AFF3: variants seen among roughly 807,000 people sequenced by gnomAD.
The protein encoded by AFF3 is ALF transcription elongation factor 3, also known as AF4/FMR2 family member 3.
A neutral mutation model predicts 129.7 loss-of-function variants in AFF3; 32 were observed. The ratio of observed to expected loss-of-function variants is 0.25; its 90% CI spans 0.19 to 0.33. The LOEUF (loss-of-function observed/expected upper bound fraction) is 0.33. Ranked by LOEUF, AFF3 falls within the 10% of genes least tolerant of loss-of-function variation. The pLI is 1.00. For synonymous variants in AFF3, 644 were observed against 635.4 expected, an observed-to-expected ratio of 1.01 and a Z score of -0.20; for missense variants, 1,373 against 1,592.0, an observed-to-expected ratio of 0.86 and a Z score of 2.34.
intron 12 of AFF3, among the ~76,000 whole-genome samples, chr2:99,668,955 A>C (rs997458614): frequency 2.0e-5 from 3 of 152,182 alleles, no homozygotes; most frequent in Non-Finnish European, 4.4e-5. Context: ...CTGATATCAA[A>C]ACTAGCCAAA....
chr2:99,966,473 G>A (rs528691977), intron 7 of AFF3, among the ~76,000 whole-genome samples: 3 of 151,656 alleles, frequency 2.0e-5, no homozygotes, highest in African/African-American at 7.2e-5. Context: ...GGCGGATCAC[G>A]AGGTCAGGAG....
intron 7 of AFF3, among the ~76,000 whole-genome samples, chr2:99,948,806 A>T (rs771638474): frequency 2.0e-5 from 3 of 152,110 alleles, no homozygotes; most frequent in Non-Finnish European, 2.9e-5. Context: ...AAAACCCCCA[A>T]CTGTCTTCTG....
chr2:99,809,340 C>T (rs1442546691), intron 8 of AFF3, among the ~76,000 whole-genome samples: 1 of 152,206 alleles, frequency 6.6e-6, no homozygotes, highest in Non-Finnish European at 1.5e-5. Flanking sequence ...GGCAAGCCCT[C>T]AACGCGGGGG....
intron 2 of AFF3, chr2:100,106,830 C>T (rs1691325280): frequency 3.0e-6 from 3 of 985,452 alleles, no homozygotes; most frequent in Admixed American, 6.1e-5. Context: ...CAGATTTGCC[C>T]TCACCATGGA....
chr2:100,024,624 T>A (rs34860145), intron 4 of AFF3, among the ~76,000 whole-genome samples: 21,284 of 151,028 alleles, frequency 0.14, 1,695 homozygotes, highest in South Asian at 0.2. Flanking sequence ...TAATAATAAT[T>A]ATTATTATTA....
intron 11 of AFF3, among the ~76,000 whole-genome samples, chr2:99,690,500 G>T (rs1003275770): frequency 6.6e-6 from 1 of 152,054 alleles, no homozygotes; most frequent in Admixed American, 6.6e-5. Flanking sequence ...AATCTTTAAA[G>T]TTCATTGTCT....
chr2:99,986,701 A>G (rs984126913), intron 7 of AFF3, among the ~76,000 whole-genome samples: 2 of 152,242 alleles, frequency 1.3e-5, no homozygotes, highest in Non-Finnish European at 2.9e-5. Context: ...ATAGATGTAA[A>G]TAAGCTGATA....
intron 13 of AFF3, among the ~76,000 whole-genome samples, chr2:99,608,027 C>CTT (rs1269429481): frequency 6.6e-6 from 1 of 152,152 alleles, no homozygotes; most frequent in African/African-American, 2.4e-5. Flanking sequence ...GTTTGTTCTG[C>CTT]AACACTTCCA....
intron 7 of AFF3, among the ~76,000 whole-genome samples, chr2:99,872,131 G>A (rs1281798385): frequency 4.0e-5 from 6 of 149,564 alleles, no homozygotes; most frequent in Non-Finnish European, 7.4e-5. Context: ...GCATGAACCC[G>A]GGAGGTGGAG....
At chr2:99,583,698 T>A (rs1677808164) in intron 16 of AFF3, among the ~76,000 whole-genome samples, 1 of 146,214 alleles carries the variant, frequency 6.8e-6, no homozygotes, top group East Asian at 2.1e-4. Context: ...TCTTTTTATT[T>A]TTTATTTTTT....
At chr2:99,683,762 C>T (rs181860095) in intron 11 of AFF3, among the ~76,000 whole-genome samples, 4 of 152,268 alleles carry the variant, frequency 2.6e-5, no homozygotes, top group East Asian at 3.9e-4. Flanking sequence ...CTTAATTTCT[C>T]GACCACCTCC....
chr2:99,687,394 T>C (rs999029304), intron 11 of AFF3, among the ~76,000 whole-genome samples: 3 of 151,616 alleles, frequency 2.0e-5, no homozygotes, highest in Non-Finnish European at 4.4e-5. Context: ...AGGGGCCAGA[T>C]GCGGGAGAAG....
intron 4 of AFF3, among the ~76,000 whole-genome samples, chr2:100,039,189 T>A (rs1044857380): frequency 6.6e-6 from 1 of 152,204 alleles, no homozygotes; most frequent in Non-Finnish European, 1.5e-5. Context: ...GCTTCCCCAA[T>A]AGCTATCTTA....
intron 8 of AFF3, among the ~76,000 whole-genome samples, chr2:99,826,384 C>T (rs1688082685): frequency 6.6e-6 from 1 of 152,198 alleles, no homozygotes; most frequent in Non-Finnish European, 1.5e-5. Context: ...TAGATAACAA[C>T]AGCCCAGGAG....
chr2:99,937,484 C>T (rs1320011187), intron 7 of AFF3, among the ~76,000 whole-genome samples: 3 of 152,094 alleles, frequency 2.0e-5, no homozygotes, highest in South Asian at 2.1e-4. Context: ...CTGCAACCTA[C>T]GCCTCCCAGG....
chr2:99,916,224 T>C (rs114010772), intron 7 of AFF3, among the ~76,000 whole-genome samples: 2,352 of 152,298 alleles, frequency 0.015, 65 homozygotes, highest in African/African-American at 0.054. Flanking sequence ...TGCGAGACCT[T>C]AGCATTACTT....
chr2:100,108,911 T>C (rs1482822915), intron 2 of AFF3, among the ~76,000 whole-genome samples: 11 of 130,760 alleles, frequency 8.4e-5, no homozygotes, highest in African/African-American at 3.9e-4. Flanking sequence ...TTCTTTCCTT[T>C]TTTTTTTTTT....
chr2:99,773,176 A>G (rs1025744598), intron 8 of AFF3, among the ~76,000 whole-genome samples: 2 of 152,138 alleles, frequency 1.3e-5, no homozygotes, highest in Non-Finnish European at 2.9e-5. Flanking sequence ...CTAAATGTCT[A>G]CAGTGTTAAT....
At chr2:99,697,356 G>C (rs1041460152) in intron 11 of AFF3, among the ~76,000 whole-genome samples, 1 of 152,216 alleles carries the variant, frequency 6.6e-6, no homozygotes, top group African/African-American at 2.4e-5. Flanking sequence ...GTGGGAGATT[G>C]GGAGGGTGTG....
Sources: allele counts gnomAD v4.1 joint callset (sites outside exome capture counted in the v4.1 genomes callset), GRCh38; gene constraint gnomAD v4.1.1; transcripts MANE v1.5; gene names NCBI Gene and HGNC (gene_info 2026-07-23, HGNC 2026-07-21).